The following CTNNA2 variants were observed in gnomAD, a reference collection of about 807,000 sequenced individuals.
CTNNA2 encodes catenin alpha 2.
Under a neutral mutation model 101.0 loss-of-function variants are expected in CTNNA2, and 42 were observed. The ratio of observed to expected loss-of-function variants is 0.42; its 90% confidence interval spans 0.32 to 0.54. The LOEUF (loss-of-function observed/expected upper bound fraction) is 0.54. Among genes scored for constraint, CTNNA2 ranks in the 20% least tolerant of loss-of-function variants. The pLI is 0.14. For missense variants in CTNNA2, 871 were observed against 1,223.1 expected (o/e 0.71, Z 4.29); for synonymous variants, 450 against 456.4 (o/e 0.99, Z 0.18).
chr2:79,417,361 G>T (rs997269834), intron 4 of CTNNA2, among the ~76,000 whole-genome samples: 5 of 152,110 alleles, frequency 3.3e-5, no homozygotes, highest in Non-Finnish European at 7.4e-5. Flanking sequence ...ACAAATATGG[G>T]TGTAAAAAGG....
intron 7 of CTNNA2, among the ~76,000 whole-genome samples, chr2:80,147,679 T>C (rs1160525802): frequency 6.6e-6 from 1 of 152,178 alleles, no homozygotes. Context: ...CTCAGCCCCT[T>C]GTAGCAGGCT....
At chr2:79,461,125 AGCCACGGTTCCTG>A (rs1263726384) in intron 4 of CTNNA2, among the ~76,000 whole-genome samples, 1 of 152,232 alleles carries the variant, frequency 6.6e-6, no homozygotes, top group African/African-American at 2.4e-5. Flanking sequence ...TATAGGCGTG[AGCCACGGTTCCTG>A]GCCATGGCCC....
At chr2:80,103,250 T>C (rs1700659442) in intron 7 of CTNNA2, among the ~76,000 whole-genome samples, 1 of 152,124 alleles carries the variant, frequency 6.6e-6, no homozygotes, top group Non-Finnish European at 1.5e-5. Context: ...GAAAATCTGG[T>C]TTCTGGTGAC....
At chr2:79,242,974 A>G (rs1674646774) in intron 2 of CTNNA2, among the ~76,000 whole-genome samples, 1 of 73,076 alleles carries the variant, frequency 1.4e-5, no homozygotes, top group Non-Finnish European at 3.1e-5. Flanking sequence ...CTCGAAATAT[A>G]TATATATATA....
chr2:79,873,963 C>G, intron 5 of CTNNA2, 113 bp from the exon 6 acceptor site: 4 of 1,467,000 alleles, frequency 2.7e-6, no homozygotes, highest in Non-Finnish European at 3.6e-6. Flanking sequence ...AGAAACAGCA[C>G]AAGGGTTTCT....
intron 8 of CTNNA2, among the ~76,000 whole-genome samples, chr2:80,416,029 A>G (rs1680012582): frequency 6.6e-6 from 1 of 152,122 alleles, no homozygotes; most frequent in Non-Finnish European, 1.5e-5. Flanking sequence ...ACAAAAAGTA[A>G]GCCAGTGGTT....
At chr2:80,108,634 C>A (rs559998486) in intron 7 of CTNNA2, among the ~76,000 whole-genome samples, 1 of 152,192 alleles carries the variant, frequency 6.6e-6, no homozygotes, top group African/African-American at 2.4e-5. Context: ...CTATGATTTG[C>A]ACATTCTAGA....
chr2:79,812,751 A>G (rs1049014257), intron 3 of CTNNA2, among the ~76,000 whole-genome samples: 1 of 152,168 alleles, frequency 6.6e-6, no homozygotes, highest in East Asian at 1.9e-4. Context: ...CTCCTGAAGC[A>G]TAAAAGACCT....
intron 1 of CTNNA2, among the ~76,000 whole-genome samples, chr2:79,548,968 T>A (rs1028753992): frequency 2.0e-5 from 3 of 152,168 alleles, no homozygotes; most frequent in African/African-American, 7.2e-5. Flanking sequence ...CATAGAAATG[T>A]CTTTCAAATA....
intron 2 of CTNNA2, among the ~76,000 whole-genome samples, chr2:79,283,908 ATTTG>A (rs1675476840): frequency 1.4e-5 from 1 of 72,970 alleles, no homozygotes; most frequent in Non-Finnish European, 2.7e-5. Flanking sequence ...ATGTTCTTCC[ATTTG>A]TTTGTATCCT....
intron 6 of CTNNA2, among the ~76,000 whole-genome samples, chr2:79,880,163 G>A (rs1451366957): frequency 1.3e-5 from 2 of 152,192 alleles, no homozygotes; most frequent in African/African-American, 4.8e-5. Context: ...TCCCAGGGAT[G>A]AAGCTGACTT....
chr2:80,557,521 G>C (rs1693149466), intron 12 of CTNNA2, among the ~76,000 whole-genome samples: 1 of 152,076 alleles, frequency 6.6e-6, no homozygotes, highest in African/African-American at 2.4e-5. Context: ...TCTGTCACTA[G>C]ATAAATAATA....
chr2:79,631,067 T>A (rs1407246691), intron 1 of CTNNA2, among the ~76,000 whole-genome samples: 5 of 152,168 alleles, frequency 3.3e-5, no homozygotes, highest in Non-Finnish European at 7.4e-5. Context: ...TGGCAGATTT[T>A]TTTTTTTCTG....
chr2:79,888,816 A>G (rs796536127), intron 6 of CTNNA2, among the ~76,000 whole-genome samples: 1 of 152,282 alleles, frequency 6.6e-6, no homozygotes, highest in African/African-American at 2.4e-5. Flanking sequence ...ATAATAATGA[A>G]TACTGATGTA....
chr2:80,368,055 A>G (rs536552237), intron 7 of CTNNA2, among the ~76,000 whole-genome samples: 116 of 152,288 alleles, frequency 7.6e-4, no homozygotes, highest in African/African-American at 2.7e-3. Flanking sequence ...ACACATTCAT[A>G]GAAAGATATT....
rs1690105875 is a variant in CTNNA2, at chr2:79,966,915, C to T, written c.1056+57118C>T. On this transcript the variant is annotated intron_variant, in intron 7 of 18. Transcript: ENST00000402739. Reference sequence around the variant, plus strand: ...CCATACCAGGCATTTTTTCCAGAACCACTTTCCTGGAGGTTCTTCTGCTCC... The same window carrying T: ...CCATACCAGGCATTTTTTCCAGAACTACTTTCCTGGAGGTTCTTCTGCTCC... Among the ~76,000 whole-genome samples, 4 of 152,050 alleles carry T rather than the reference C, an allele frequency of 2.6e-5. No homozygotes were observed. In the South Asian group the frequency reaches 8.3e-4, roughly 32 times the overall value.
intron 2 of CTNNA2, among the ~76,000 whole-genome samples, chr2:79,695,612 A>G (rs1268706973): frequency 2.0e-5 from 3 of 151,988 alleles, no homozygotes; most frequent in Non-Finnish European, 2.9e-5. Context: ...TCTGTCTTCA[A>G]AACATGAAGC....
At chr2:79,684,095 G>A (rs1351633568) in intron 2 of CTNNA2, among the ~76,000 whole-genome samples, 1 of 152,102 alleles carries the variant, frequency 6.6e-6, no homozygotes, top group African/African-American at 2.4e-5. Context: ...TGAAAAAATG[G>A]AGCCAGGATA....
At chr2:80,609,341 T>G (rs1208058933) in intron 17 of CTNNA2, among the ~76,000 whole-genome samples, 1 of 151,768 alleles carries the variant, frequency 6.6e-6, no homozygotes, top group Non-Finnish European at 1.5e-5. Context: ...TCCCATATTG[T>G]TTGAGTTGCA....
Sources: gnomAD v4.1 joint callset for allele counts (sites outside exome capture counted in the v4.1 genomes callset) on GRCh38, gnomAD v4.1.1 for gene constraint, MANE v1.5 for transcripts, NCBI Gene and HGNC (gene_info 2026-07-23, HGNC 2026-07-21) for gene names.